Variants in FAM227B observed in about 807,000 individuals in gnomAD.
FAM227B encodes family with sequence similarity 227 member B.
FAM227B carries 88 observed loss-of-function variants against 73.8 expected under a neutral mutation model. The observed-to-expected ratio is 1.19, with a 90% CI of 1.00 to 1.42. The LOEUF is 1.42. Ranked by LOEUF, FAM227B falls within the 40% of genes most tolerant of loss-of-function variation. The pLI is 0.00. For missense variants in FAM227B, 632 were observed against 590.9 expected, an observed-to-expected ratio of 1.07 and a Z score of -0.72; for synonymous variants, 210 against 190.5, an observed-to-expected ratio of 1.10 and a Z score of -0.84.
chr15:49,440,533 T>C, intron 11 of FAM227B, among the ~76,000 whole-genome samples: 1 of 151,890 alleles, frequency 6.6e-6, no homozygotes, highest in South Asian at 2.1e-4. Context: ...AAAATGAACA[T>C]ATTGTTGTAC....
chr15:49,588,708 T>C (rs12901680), intron 4 of FAM227B, among the ~76,000 whole-genome samples: 36,502 of 148,718 alleles, frequency 0.25, 5,449 homozygotes, highest in Non-Finnish European at 0.34. Flanking sequence ...TACACACACA[T>C]GGGTGTCTGT....
At chr15:49,540,389 C>G (rs1323165856) in intron 10 of FAM227B, among the ~76,000 whole-genome samples, 2 of 152,282 alleles carry the variant, frequency 1.3e-5, no homozygotes, top group Admixed American at 1.3e-4. Context: ...CCCCAGAAAT[C>G]CTTTCTGTGC....
At chr15:49,567,040 A>G (rs562917536) in intron 9 of FAM227B, among the ~76,000 whole-genome samples, 3 of 152,124 alleles carry the variant, frequency 2.0e-5, no homozygotes, top group Non-Finnish European at 4.4e-5. Context: ...TCTTTTTCTT[A>G]AGGGCCCTGT....
intron 11 of FAM227B, among the ~76,000 whole-genome samples, chr15:49,409,664 C>A (rs2048747102): frequency 6.6e-6 from 1 of 151,948 alleles, no homozygotes; most frequent in South Asian, 2.1e-4. Flanking sequence ...TCTTCCTGGA[C>A]AAAACTATCT....
intron 11 of FAM227B, among the ~76,000 whole-genome samples, chr15:49,420,504 T>C (rs1028407534): frequency 3.9e-5 from 6 of 152,138 alleles, no homozygotes; most frequent in Non-Finnish European, 7.4e-5. Context: ...CACAAACATA[T>C]GTATCCAGTT....
chr15:49,519,302 C>T (rs921918652), intron 10 of FAM227B, among the ~76,000 whole-genome samples: 1 of 152,142 alleles, frequency 6.6e-6, no homozygotes, highest in African/African-American at 2.4e-5. Flanking sequence ...AGTGGAGCTA[C>T]AATTCTGGGG....
At chr15:49,433,278 AT>A (rs1423527120) in intron 11 of FAM227B, among the ~76,000 whole-genome samples, 4 of 151,362 alleles carry the variant, frequency 2.6e-5, no homozygotes, top group Non-Finnish European at 3.0e-5. Flanking sequence ...TTCTGTTTGC[AT>A]TTGGCACTGT....
At chr15:49,449,825 G>A (rs964852839) in intron 11 of FAM227B, among the ~76,000 whole-genome samples, 29 of 151,748 alleles carry the variant, frequency 1.9e-4, no homozygotes, top group African/African-American at 6.8e-4. Context: ...ACATGTAAAC[G>A]AGATCAGATA....
intron 9 of FAM227B, among the ~76,000 whole-genome samples, chr15:49,565,981 G>A (rs1337137927): frequency 6.6e-6 from 1 of 152,180 alleles, no homozygotes; most frequent in African/African-American, 2.4e-5. Flanking sequence ...CCCTCCTAAA[G>A]ACATTGGTCC....
intron 15 of FAM227B, 79 bp from the exon 16 acceptor site, chr15:49,328,754 C>T (rs2037982496): frequency 6.7e-7 from 1 of 1,487,872 alleles, no homozygotes. Flanking sequence ...GAGATTTCTC[C>T]AGTTATCAAG....
chr15:49,449,807 A>G (rs1371139790), intron 11 of FAM227B, among the ~76,000 whole-genome samples: 1 of 1,940 alleles, frequency 5.2e-4, no homozygotes, highest in African/African-American at 5.3e-4. Flanking sequence ...ATAGTCAATT[A>G]TAAAGATACA....
chr15:49,604,949 G>C (rs1188647312), intron 3 of FAM227B, among the ~76,000 whole-genome samples: 2 of 151,694 alleles, frequency 1.3e-5, no homozygotes, highest in Non-Finnish European at 2.9e-5. Flanking sequence ...TTCCTTTATT[G>C]TTTTCCTGAT....
intron 3 of FAM227B, among the ~76,000 whole-genome samples, chr15:49,600,842 A>C (rs111438899): frequency 4.6e-4 from 70 of 151,600 alleles, no homozygotes; most frequent in African/African-American, 1.6e-3. Flanking sequence ...GGAGTTCAAG[A>C]CCAGCCTGGC....
At chr15:49,556,767 T>C (rs892993026) in intron 9 of FAM227B, among the ~76,000 whole-genome samples, 4 of 152,096 alleles carry the variant, frequency 2.6e-5, no homozygotes, top group African/African-American at 9.7e-5. Context: ...TCTCCTAGGG[T>C]AGCATGGCAA....
At chr15:49,419,199 C>T (rs1156433460) in intron 11 of FAM227B, among the ~76,000 whole-genome samples, 1 of 152,174 alleles carries the variant, frequency 6.6e-6, no homozygotes, top group Non-Finnish European at 1.5e-5. Context: ...TGGAGTATTG[C>T]TGCCTCTGCT....
At chr15:49,600,146 T>C (rs2077101156) in intron 3 of FAM227B, among the ~76,000 whole-genome samples, 1 of 152,138 alleles carries the variant, frequency 6.6e-6, no homozygotes, top group Admixed American at 6.5e-5. Flanking sequence ...TTGACCCTTT[T>C]ATTATTATAT....
chr15:49,587,603 C>G (rs376073286), intron 5 of FAM227B, among the ~76,000 whole-genome samples: 320 of 152,140 alleles, frequency 2.1e-3, no homozygotes, highest in South Asian at 6.7e-3. Flanking sequence ...GACTAAGTAT[C>G]TGAAAGTAAT....
intron 13 of FAM227B, among the ~76,000 whole-genome samples, chr15:49,337,233 C>T (rs147971003): frequency 1.4e-3 from 209 of 152,220 alleles, no homozygotes; most frequent in African/African-American, 3.0e-3. Context: ...CTGGGTTGAA[C>T]GGTAGTTCTG....
At chr15:49,560,719 A>T (rs922911973) in intron 9 of FAM227B, among the ~76,000 whole-genome samples, 2 of 152,174 alleles carry the variant, frequency 1.3e-5, no homozygotes, top group Non-Finnish European at 2.9e-5. Flanking sequence ...TTGGAGGTCT[A>T]TTTTCAGCAC....
Sources: allele counts gnomAD v4.1 joint callset (sites outside exome capture counted in the v4.1 genomes callset), GRCh38; gene constraint gnomAD v4.1.1; transcripts MANE v1.5; gene names NCBI Gene and HGNC (gene_info 2026-07-23, HGNC 2026-07-21).